The following HMBOX1 variants were observed in gnomAD, a reference collection of about 807,000 sequenced individuals.
HMBOX1 encodes homeobox containing 1, also known as homeobox-containing protein 1.
Under a neutral mutation model 54.5 loss-of-function variants are expected in HMBOX1, and 14 were observed. That is an observed-to-expected ratio of 0.26 (90% confidence interval 0.17 to 0.40). The LOEUF (loss-of-function observed/expected upper bound fraction) is 0.40, where lower values mean the gene tolerates loss of function less well. HMBOX1 is among the 10% of genes least tolerant of loss of function. The pLI is 1.00. For synonymous variants in HMBOX1, 160 were observed against 181.0 expected, an observed-to-expected ratio of 0.88 and a Z score of 0.93; for missense variants, 332 against 514.4, an observed-to-expected ratio of 0.65 and a Z score of 3.43.
At chr8:28,922,600 C>T (rs1018275386) in intron 1 of HMBOX1, among the ~76,000 whole-genome samples, 3 of 152,154 alleles carry the variant, frequency 2.0e-5, no homozygotes, top group African/African-American at 7.2e-5. Flanking sequence ...TGAATTCTTA[C>T]AGTAATACAC....
At chr8:28,907,775 A>C (rs1251589329) in intron 1 of HMBOX1, among the ~76,000 whole-genome samples, 2 of 151,904 alleles carry the variant, frequency 1.3e-5, no homozygotes, top group East Asian at 3.8e-4. Context: ...ATATTGCCTG[A>C]TTTAATTCAT....
intron 1 of HMBOX1, among the ~76,000 whole-genome samples, chr8:28,924,150 A>G (rs1471014322): frequency 6.8e-6 from 1 of 147,844 alleles, no homozygotes; most frequent in Non-Finnish European, 1.5e-5. Context: ...TCTGTCGCCC[A>G]GGCTGGAGTG....
intron 3 of HMBOX1, among the ~76,000 whole-genome samples, chr8:28,974,890 T>A (rs1828115453): frequency 6.6e-6 from 1 of 152,184 alleles, no homozygotes; most frequent in Non-Finnish European, 1.5e-5. Context: ...TCCTAAAGAA[T>A]GTGCAGTGTA....
At position 29,012,570 on chromosome 8, in the gene HMBOX1, A is replaced by T. The variant is rs1480690196; in HGVS notation, c.697+3388A>T. On this transcript the variant is annotated intron_variant, in intron 5 of 9. Coordinates refer to ENST00000287701, the MANE Select transcript of HMBOX1 (RefSeq NM_001135726.3). Reference sequence around the variant, plus strand: ...CACATACACATGTATATGCTTATCTAAGCATAGAAATCTCTGAAAAGCTGT... The same window carrying T: ...CACATACACATGTATATGCTTATCTTAGCATAGAAATCTCTGAAAAGCTGT... Among the ~76,000 whole-genome samples, 6 of 152,360 alleles carry T rather than the reference A, an allele frequency of 3.9e-5. No homozygotes were observed. In the South Asian group the frequency reaches 1.0e-3, roughly 26 times the overall value.
intron 3 of HMBOX1, among the ~76,000 whole-genome samples, chr8:28,974,131 T>C (rs919883768): frequency 6.6e-6 from 1 of 152,266 alleles, no homozygotes; most frequent in South Asian, 2.1e-4. Context: ...GAGATTTTTT[T>C]GTAGAACTTC....
intron 1 of HMBOX1, among the ~76,000 whole-genome samples, chr8:28,906,008 GCTGA>G (rs1814258786): frequency 6.6e-6 from 1 of 152,070 alleles, no homozygotes; most frequent in Non-Finnish European, 1.5e-5. Flanking sequence ...ATTTATGCAG[GCTGA>G]CTCATTGCCT....
intron 1 of HMBOX1, among the ~76,000 whole-genome samples, chr8:28,929,547 T>C (rs1819112182): frequency 6.6e-6 from 1 of 152,190 alleles, no homozygotes; most frequent in African/African-American, 2.4e-5. Flanking sequence ...GCGTGTAAGA[T>C]ACTAAAATAG....
chr8:28,989,035 G>A (rs1448007962), intron 4 of HMBOX1, among the ~76,000 whole-genome samples: 1 of 152,138 alleles, frequency 6.6e-6, no homozygotes. Flanking sequence ...CACTTTGGGA[G>A]GCCGAGGCGG....
chr8:28,981,977 C>T (rs911565552), intron 4 of HMBOX1, among the ~76,000 whole-genome samples: 4 of 152,148 alleles, frequency 2.6e-5, no homozygotes, highest in African/African-American at 9.7e-5. Context: ...GTGGCTCACA[C>T]CTGTAATCCC....
Position 28,970,539 on chromosome 8 carries a change from C to A in HMBOX1, c.500+20C>A. On this transcript the variant is annotated intron_variant, in intron 3 of 9. Coordinates refer to ENST00000287701, the MANE Select transcript of HMBOX1 (RefSeq NM_001135726.3). The surrounding 1 kb of genome is among the most constrained non-coding windows in gnomAD (Gnocchi z 4.3). ...AATGAGGTTAGTGACTTTGCTTATT[C>A]AGAGTCCCTAAAAATGTCTGTATTC... 1 of 1,448,180 alleles carries A rather than the reference C, an allele frequency of 6.9e-7. No individual in the cohort carries two copies. Among genetic ancestry groups the A allele is most frequent in the Non-Finnish European group, 9.4e-7 (1 of 1,061,594 alleles). 89.7% of individuals were successfully genotyped at this position (1,448,180 alleles called of 1,614,324 possible). A position where few individuals can be genotyped will look rare whatever the true frequency, so the allele number is the denominator to read the frequency against.
At chr8:28,960,976 G>T (rs985588958) in intron 1 of HMBOX1, among the ~76,000 whole-genome samples, 3 of 151,100 alleles carry the variant, frequency 2.0e-5, no homozygotes, top group Non-Finnish European at 1.5e-5. Flanking sequence ...TGGTAGAGAC[G>T]GGGTTTCACC....
chr8:28,994,323 A>G (rs1831459960), intron 4 of HMBOX1, among the ~76,000 whole-genome samples: 1 of 152,202 alleles, frequency 6.6e-6, no homozygotes, highest in African/African-American at 2.4e-5. Context: ...GTTCATTAAT[A>G]GATCCTTGGA....
intron 5 of HMBOX1, chr8:29,010,183 T>G: frequency 1.0e-6 from 1 of 957,200 alleles, no homozygotes; most frequent in Non-Finnish European, 1.2e-6. Context: ...CTCCCAGTTT[T>G]TATTTTGAAA....
At chr8:29,017,376 C>T (rs1835187873) in intron 5 of HMBOX1, among the ~76,000 whole-genome samples, 1 of 152,138 alleles carries the variant, frequency 6.6e-6, no homozygotes, top group African/African-American at 2.4e-5. Context: ...CAGGACTGGC[C>T]CAGATTCAAG....
At chr8:28,934,623 A>C (rs745650655) in intron 1 of HMBOX1, among the ~76,000 whole-genome samples, 2 of 152,194 alleles carry the variant, frequency 1.3e-5, no homozygotes, top group Non-Finnish European at 2.9e-5. Flanking sequence ...CACAGGATAC[A>C]TGAAATAATA....
intron 8 of HMBOX1, chr8:29,048,598 C>T (rs1186496699): frequency 2.5e-5 from 4 of 162,562 alleles, no homozygotes; most frequent in South Asian, 1.9e-4. Flanking sequence ...GTGGTATGGG[C>T]ATAGAATGCA....
chr8:28,922,035 CTT>C (rs1321720772), intron 1 of HMBOX1, among the ~76,000 whole-genome samples: 1 of 152,160 alleles, frequency 6.6e-6, no homozygotes, highest in Non-Finnish European at 1.5e-5. Flanking sequence ...GGAGGCCAAA[CTT>C]AAATTTTGCC....
rs746577154 is a variant in HMBOX1 at position 28,970,295 on chromosome 8, G to A, written c.276G>A (p.Thr92=). ...SSSTATASTQ[T]QHSGMSPSPS... ...CTACAGCTACAGCTTCCACACAGACGCAGCATTCGGGAATGTCCCCGTCAC... is the reference window on the plus strand; with the variant it reads ...CTACAGCTACAGCTTCCACACAGACACAGCATTCGGGAATGTCCCCGTCAC... The change falls in exon 3 of 10, where the codon ACG becomes ACA. Residue 92 remains threonine (T), a synonymous_variant. Transcript: ENST00000287701. This position sits in a 1 kb window ranked among gnomAD's most constrained non-coding sequence, Gnocchi z 4.3. The A allele has an allele frequency of 4.3e-6, 7 of 1,614,030 alleles. No individual in the cohort carries two copies. In the Admixed American group the frequency reaches 6.7e-5, roughly 15 times the overall value.
intron 6 of HMBOX1, among the ~76,000 whole-genome samples, chr8:29,023,012 A>T (rs574012339): frequency 5.3e-5 from 8 of 152,324 alleles, no homozygotes; most frequent in African/African-American, 1.9e-4. Context: ...AGTGGGAAAC[A>T]GCTTAAGAAT....
Sources: gnomAD v4.1 joint callset for allele counts (sites outside exome capture counted in the v4.1 genomes callset) on GRCh38, gnomAD v4.1.1 for gene constraint, Gnocchi (gnomAD v3.1) non-coding constraint, MANE v1.5 for transcripts, NCBI Gene and HGNC (gene_info 2026-07-23, HGNC 2026-07-21) for gene names.